Variants in DCBLD2 observed in about 807,000 individuals in gnomAD.
DCBLD2 encodes discoidin, CUB and LCCL domain-containing protein 2.
Under a neutral mutation model 86.8 loss-of-function variants are expected in DCBLD2, and 54 were observed. That is an observed-to-expected ratio of 0.62 (90% confidence interval 0.50 to 0.78). The LOEUF is 0.78. DCBLD2 is among the 30% of genes least tolerant of loss of function. The pLI is 0.00. For missense variants in DCBLD2, 908 were observed against 954.2 expected (o/e 0.95, Z 0.64); for synonymous variants, 354 against 341.3 (o/e 1.04, Z -0.41).
chr3:98,882,531 C>T (rs1277392536), intron 1 of DCBLD2, among the ~76,000 whole-genome samples: 2 of 152,120 alleles, frequency 1.3e-5, no homozygotes, highest in African/African-American at 4.8e-5. Flanking sequence ...ATCAACCCAT[C>T]ATCTACATTA....
At chr3:98,866,236 G>T (rs1301975991) in intron 2 of DCBLD2, among the ~76,000 whole-genome samples, 2 of 152,126 alleles carry the variant, frequency 1.3e-5, no homozygotes, top group Admixed American at 6.6e-5. Flanking sequence ...GTAATGGGAT[G>T]GCTGGGTCAA....
intron 9 of DCBLD2, chr3:98,813,345 C>G (rs1036302132): frequency 6.6e-6 from 1 of 152,276 alleles, no homozygotes; most frequent in African/African-American, 2.4e-5. Context: ...CAACCTCTTC[C>G]TCCCAAGTTC....
chr3:98,876,524 T>A (rs528858021), intron 2 of DCBLD2, among the ~76,000 whole-genome samples: 5 of 151,452 alleles, frequency 3.3e-5, no homozygotes, highest in African/African-American at 1.2e-4. Context: ...GAGCACTATT[T>A]ATCATTATCA....
chr3:98,881,753 G>T lies in DCBLD2; in HGVS notation c.220C>A (p.His74Asn). ...CCACTCTCAGGGCCTAGTACAGTGT[G>T]TCCACATCCATCACCTTTAAAAAAA... ...AGAQQGDGCG[H>N]TVLGPESGTL... is the part of the protein sequence containing the mutation. Residue 74 changes from histidine to asparagine, a missense_variant, in exon 2 of 16, where the codon CAC becomes AAC. This residue lies in a region of DCBLD2 where 294 missense variants were observed against 256.0 expected (regional missense o/e 1.15). Transcript: ENST00000326840. The T allele has an allele frequency of 6.2e-7, 1 of 1,606,920 alleles. No individual in the cohort carries two copies. Among genetic ancestry groups the T allele is most frequent in the Non-Finnish European group, 8.5e-7 (1 of 1,174,684 alleles).
intron 2 of DCBLD2, among the ~76,000 whole-genome samples, chr3:98,869,042 C>A (rs1446302815): frequency 6.6e-6 from 1 of 152,174 alleles, no homozygotes; most frequent in African/African-American, 2.4e-5. Context: ...AATTTCCATA[C>A]TGTTTTCCAC....
rs961765201 is a variant in DCBLD2, at chr3:98,799,283, T to C, written c.*89A>G. On this transcript the variant is annotated 3_prime_UTR_variant, in exon 16 of 16. Coordinates refer to ENST00000326840, the MANE Select transcript of DCBLD2 (RefSeq NM_080927.4). ...CCCAACCACTTCAGTGACAGTTATGTAATACATTCTATATATTACTACCAC... is the reference window on the plus strand; with the variant it reads ...CCCAACCACTTCAGTGACAGTTATGCAATACATTCTATATATTACTACCAC... The C allele has an allele frequency of 1.5e-6, 2 of 1,332,296 alleles. No homozygotes were observed. The highest frequency in any genetic ancestry group is 2.3e-5 in the Admixed American group (1 of 43,182). 82.5% of individuals were successfully genotyped at this position (1,332,296 alleles called of 1,614,324 possible). A position where few individuals can be genotyped will look rare whatever the true frequency, so the allele number is the denominator to read the frequency against.
At chr3:98,856,946 A>G (rs918648460) in intron 2 of DCBLD2, among the ~76,000 whole-genome samples, 1 of 152,224 alleles carries the variant, frequency 6.6e-6, no homozygotes, top group Non-Finnish European at 1.5e-5. Flanking sequence ...CAACTGACAT[A>G]TAAGTGTGTC....
chr3:98,875,137 T>C (rs1424630585), intron 2 of DCBLD2, among the ~76,000 whole-genome samples: 2 of 152,188 alleles, frequency 1.3e-5, no homozygotes, highest in African/African-American at 4.8e-5. Context: ...TATCTCTATC[T>C]GCAGATGTGA....
At chr3:98,881,845 T>A in intron 1 of DCBLD2, 78 bp from the exon 2 acceptor site, 1 of 1,386,894 alleles carries the variant, frequency 7.2e-7, no homozygotes, top group Non-Finnish European at 1.0e-6. Flanking sequence ...TGTGAAGATT[T>A]AAAAATATGC....
chr3:98,864,407 A>T (rs1326232552), intron 2 of DCBLD2, among the ~76,000 whole-genome samples: 3 of 64,858 alleles, frequency 4.6e-5, no homozygotes, highest in Admixed American at 2.2e-4. Context: ...ATGCGCATGT[A>T]TGTTTATTGT....
At chr3:98,886,808 C>CGA (rs1559800589) in intron 1 of DCBLD2, among the ~76,000 whole-genome samples, 1 of 125,274 alleles carries the variant, frequency 8.0e-6, no homozygotes, top group Admixed American at 8.0e-5. Context: ...AAACCCCCCC[C>CGA]CTTTTTTTTT....
At chr3:98,856,430 T>G (rs1289357738) in intron 2 of DCBLD2, among the ~76,000 whole-genome samples, 1 of 152,070 alleles carries the variant, frequency 6.6e-6, no homozygotes, top group Non-Finnish European at 1.5e-5. Context: ...CTACAAAGCT[T>G]ATAAACCACT....
intron 2 of DCBLD2, among the ~76,000 whole-genome samples, chr3:98,868,769 C>T (rs763799173): frequency 2.6e-5 from 4 of 152,182 alleles, no homozygotes; most frequent in Non-Finnish European, 5.9e-5. Context: ...CAAGGAGCTG[C>T]GAAGACATTA....
intron 9 of DCBLD2, among the ~76,000 whole-genome samples, chr3:98,816,905 C>T (rs1038424590): frequency 4.6e-5 from 7 of 152,094 alleles, no homozygotes; most frequent in Admixed American, 4.6e-4. Flanking sequence ...CCTCAGCCTC[C>T]CAAGAAACTG....
intron 6 of DCBLD2, 43 bp from the exon 7 acceptor site, chr3:98,820,331 C>T: frequency 7.5e-7 from 1 of 1,334,622 alleles, no homozygotes; most frequent in South Asian, 2.1e-5. Flanking sequence ...TCACATAACA[C>T]ATGATGCCCC....
At chr3:98,822,441 A>G (rs563236777) in intron 5 of DCBLD2, 80 bp from the exon 6 acceptor site, 1 of 1,498,098 alleles carries the variant, frequency 6.7e-7, no homozygotes, top group Admixed American at 2.3e-5. Context: ...TTCCTGAGAA[A>G]TCAGTTAATC....
rs1191731877 is a variant in DCBLD2, at chr3:98,838,753, C to G, written c.571+10708G>C. ...TCACGCCACTGCACTCCAGCCTGGG[C>G]ACCATTGAGCACTGAGTGAACGAGA... On this transcript the variant is annotated intron_variant, in intron 3 of 15. Coordinates refer to ENST00000326840, the MANE Select transcript of DCBLD2 (RefSeq NM_080927.4). Among the ~76,000 whole-genome samples, 4 of 152,128 alleles carry G rather than the reference C, an allele frequency of 2.6e-5. No individual in the cohort carries two copies. In the South Asian group the frequency reaches 8.3e-4, roughly 32 times the overall value.
intron 1 of DCBLD2, among the ~76,000 whole-genome samples, chr3:98,898,523 T>C (rs1943789761): frequency 6.6e-6 from 1 of 151,968 alleles, no homozygotes; most frequent in South Asian, 2.1e-4. Flanking sequence ...TAAAGAAATG[T>C]CCCACAATTT....
At chr3:98,900,393 C>T (rs1943826991) in intron 1 of DCBLD2, among the ~76,000 whole-genome samples, 1 of 152,158 alleles carries the variant, frequency 6.6e-6, no homozygotes, top group Non-Finnish European at 1.5e-5. Context: ...AGAAATCACC[C>T]TGCATTCTCC....
Sources: allele counts gnomAD v4.1 joint callset (sites outside exome capture counted in the v4.1 genomes callset), GRCh38; gene constraint gnomAD v4.1.1; regional missense constraint gnomAD v4.1.1; transcripts MANE v1.5; gene names NCBI Gene and HGNC (gene_info 2026-07-23, HGNC 2026-07-21).